Variants in BCL2L14 observed in about 807,000 individuals in gnomAD.
BCL2L14 encodes the protein BCL2 like 14.
A neutral mutation model predicts 35.3 loss-of-function variants in BCL2L14; 27 were observed. The ratio of observed to expected loss-of-function variants is 0.76; its 90% CI spans 0.56 to 1.05. The LOEUF (loss-of-function observed/expected upper bound fraction) is 1.05. Among genes scored for constraint, BCL2L14 ranks in the 50% least tolerant of loss-of-function variants. The pLI is 0.00. For missense variants in BCL2L14, 377 were observed against 382.6 expected (o/e 0.99, Z 0.12); for synonymous variants, 139 against 145.9 (o/e 0.95, Z 0.34).
chr12:12,072,949 C>T (rs760920897), intron 1 of BCL2L14, among the ~76,000 whole-genome samples: 1 of 151,894 alleles, frequency 6.6e-6, no homozygotes. Context: ...TGCACTGGCG[C>T]GATCATAGCT....
chr12:12,055,426 G>A (rs751149047), intron 2 of BCL2L14: 29 of 152,196 alleles, frequency 1.9e-4, no homozygotes, highest in East Asian at 5.8e-4. Flanking sequence ...CCATTCTAAC[G>A]GTTCATAAAT....
intron 1 of BCL2L14, among the ~76,000 whole-genome samples, chr12:12,077,484 G>T (rs1467315408): frequency 6.7e-6 from 1 of 149,514 alleles, no homozygotes; most frequent in Non-Finnish European, 1.5e-5. Flanking sequence ...GGTTGAGGCT[G>T]TGGTGAGCTA....
chr12:12,055,000 T>A (rs1948410168), intron 2 of BCL2L14: 1 of 150,172 alleles, frequency 6.7e-6, no homozygotes, highest in Admixed American at 6.6e-5. Flanking sequence ...AGGGAGAGAA[T>A]TCAGAGGAAA....
At chr12:12,096,224 C>G in intron 5 of BCL2L14, 1 of 898,774 alleles carries the variant, frequency 1.1e-6, no homozygotes. Flanking sequence ...TGTTAGTCCT[C>G]TTAATATATT....
upstream of BCL2L14, chr12:12,049,874 C>T (rs1409268789): frequency 2.0e-5 from 3 of 152,198 alleles, no homozygotes; most frequent in Non-Finnish European, 4.4e-5. Flanking sequence ...GCTTTCGCTT[C>T]ATCCTAGAGG....
upstream of BCL2L14, among the ~76,000 whole-genome samples, chr12:12,069,642 A>C (rs1049585912): frequency 6.7e-6 from 1 of 148,936 alleles, no homozygotes; most frequent in Non-Finnish European, 1.5e-5. Context: ...CAGGAGGTGG[A>C]GCTTGCAGTG....
At chr12:12,053,830 A>G (rs1591799114) in intron 2 of BCL2L14, among the ~76,000 whole-genome samples, 1 of 152,280 alleles carries the variant, frequency 6.6e-6, no homozygotes, top group East Asian at 1.9e-4. Context: ...AAAAACCCCT[A>G]AATGCCTTTG....
chr12:12,071,831 T>G (rs1158216286), intron 1 of BCL2L14: 1 of 152,186 alleles, frequency 6.6e-6, no homozygotes, highest in Non-Finnish European at 1.5e-5. Context: ...CTTTCTCTCA[T>G]TCCTCATTTC....
chr12:12,098,979 A>T lies in BCL2L14; in HGVS notation c.975A>T (p.Glu325Asp). 6.2e-7 allele frequency: 1 copy of T among 1,601,602 alleles called. No individual in the cohort carries two copies. Among genetic ancestry groups the T allele is most frequent in the Non-Finnish European group, 8.6e-7 (1 of 1,168,528 alleles). Reference sequence around the variant, plus strand: ...AAATACTTGGGATATCACATGAAGAAGTAGACTGAAATATCAGATTTGTCA... The same window carrying T: ...AAATACTTGGGATATCACATGAAGATGTAGACTGAAATATCAGATTTGTCA... ...WEKILGISHEEVD is the reference protein window; with the variant it reads ...WEKILGISHEDVD The change falls in exon 6 of 6, where the codon GAA becomes GAT. Residue 325 changes from glutamate (E) to aspartate (D), a missense_variant. Transcript: ENST00000308721.
At chr12:12,059,354 C>T (rs1295638209) in intron 2 of BCL2L14, among the ~76,000 whole-genome samples, 4 of 151,984 alleles carry the variant, frequency 2.6e-5, no homozygotes, top group Non-Finnish European at 5.9e-5. Context: ...CCCTTAGCGG[C>T]AAGTCCGGCT....
chr12:12,068,324 T>A (rs1422387126), upstream of BCL2L14: 1 of 396,064 alleles, frequency 2.5e-6, no homozygotes, highest in Non-Finnish European at 4.4e-6. Context: ...ATGGACATAC[T>A]ATGTGATGTG....
chr12:12,064,893 T>A (rs1463013841), intron 2 of BCL2L14, among the ~76,000 whole-genome samples: 1 of 152,250 alleles, frequency 6.6e-6, no homozygotes, highest in Non-Finnish European at 1.5e-5. Context: ...ATCTCTGTAC[T>A]AAGAACGTCT....
intron 1 of BCL2L14, chr12:12,071,592 G>C (rs1341581259): frequency 6.6e-6 from 1 of 152,094 alleles, no homozygotes; most frequent in Admixed American, 6.6e-5. Flanking sequence ...TACCTCGTGG[G>C]AACTTGGGCA....
At chr12:12,077,277 C>A in intron 1 of BCL2L14, among the ~76,000 whole-genome samples, 1 of 152,128 alleles carries the variant, frequency 6.6e-6, no homozygotes, top group African/African-American at 2.4e-5. Flanking sequence ...CATGGTAGCT[C>A]ATGGCTGTAA....
At chr12:12,074,623 G>A (rs528083821) in intron 1 of BCL2L14, among the ~76,000 whole-genome samples, 2 of 152,034 alleles carry the variant, frequency 1.3e-5, no homozygotes, top group African/African-American at 2.4e-5. Flanking sequence ...ATTTTTAGTA[G>A]AGACAAAGTT....
At position 12,058,704 on chromosome 12, in the gene BCL2L14, G is replaced by A. The variant is rs577682464; in HGVS notation, c.-272+6857G>A. 1.4e-3 allele frequency among the ~76,000 whole-genome samples: 210 copies of A among 151,682 alleles called. 4 individuals carry two copies. In the East Asian group the frequency reaches 0.03, roughly 22 times the overall value. Reference sequence around the variant, plus strand: ...CTGACTCTCTTTTCGGACTCAGCCCGCCTGCACCCAGGTGAAATAAACAGC... The same window carrying A: ...CTGACTCTCTTTTCGGACTCAGCCCACCTGCACCCAGGTGAAATAAACAGC... On this transcript the variant is annotated intron_variant, in intron 2 of 3. Coordinates refer to the BCL2L14 transcript ENST00000461264.
intron 1 of BCL2L14, among the ~76,000 whole-genome samples, chr12:12,073,927 G>A (rs189204516): frequency 6.6e-6 from 1 of 152,050 alleles, no homozygotes; most frequent in Non-Finnish European, 1.5e-5. Flanking sequence ...TTGGTGGCCC[G>A]CTTTGCCTGC....
chr12:12,086,531 T>G (rs1949046005), intron 2 of BCL2L14, among the ~76,000 whole-genome samples: 1 of 152,032 alleles, frequency 6.6e-6, no homozygotes, highest in Admixed American at 6.6e-5. Context: ...TCTACAATTC[T>G]GTATGCAAAT....
chr12:12,089,095 G>A (rs925581860), intron 3 of BCL2L14, among the ~76,000 whole-genome samples: 6 of 152,080 alleles, frequency 3.9e-5, no homozygotes, highest in Non-Finnish European at 7.4e-5. Flanking sequence ...GGCCGGGAGC[G>A]GTGGCTCGTG....
Sources: allele counts gnomAD v4.1 joint callset (sites outside exome capture counted in the v4.1 genomes callset), GRCh38; gene constraint gnomAD v4.1.1; transcripts MANE v1.5; gene names NCBI Gene and HGNC (gene_info 2026-07-23, HGNC 2026-07-21).